CTNNA2: variants seen among roughly 807,000 people sequenced by gnomAD.
The protein encoded by CTNNA2 is catenin alpha 2, also known as catenin alpha-2.
Under a neutral mutation model 101.0 loss-of-function variants are expected in CTNNA2, and 42 were observed. The ratio of observed to expected loss-of-function variants is 0.42; its 90% CI spans 0.32 to 0.54. CTNNA2 has a LOEUF of 0.54. Ranked by LOEUF, CTNNA2 falls within the 20% of genes least tolerant of loss-of-function variation. CTNNA2 has a pLI of 0.14. For synonymous variants in CTNNA2, 450 were observed against 456.4 expected (o/e 0.99, Z 0.18); for missense variants, 871 against 1,223.1 (o/e 0.71, Z 4.29).
At chr2:79,965,294 A>G (rs920482090) in intron 7 of CTNNA2, among the ~76,000 whole-genome samples, 13 of 152,206 alleles carry the variant, frequency 8.5e-5, no homozygotes, top group African/African-American at 3.1e-4. Context: ...ATGCTAAGCT[A>G]CAAAATTTTA....
At chr2:80,329,158 T>G (rs1671090419) in intron 7 of CTNNA2, among the ~76,000 whole-genome samples, 1 of 152,240 alleles carries the variant, frequency 6.6e-6, no homozygotes. Flanking sequence ...GTCCATGTGA[T>G]GTGAAGCAGG....
chr2:79,411,522 G>T (rs1312287946), intron 4 of CTNNA2, among the ~76,000 whole-genome samples: 2 of 152,040 alleles, frequency 1.3e-5, no homozygotes, highest in Non-Finnish European at 2.9e-5. Context: ...ACAAAGGGAA[G>T]CCCATCAGAC....
At chr2:79,784,702 A>T (rs1165170419) in intron 3 of CTNNA2, among the ~76,000 whole-genome samples, 1 of 151,868 alleles carries the variant, frequency 6.6e-6, no homozygotes, top group Non-Finnish European at 1.5e-5. Flanking sequence ...TGTACTCAGA[A>T]TTTATATGTA....
chr2:79,465,888 C>T (rs189159339), intron 4 of CTNNA2, among the ~76,000 whole-genome samples: 19 of 152,216 alleles, frequency 1.2e-4, no homozygotes, highest in Non-Finnish European at 2.4e-4. Flanking sequence ...TGGGCTGAGA[C>T]GATGGGGGTT....
intron 16 of CTNNA2, among the ~76,000 whole-genome samples, chr2:80,604,542 C>T (rs1382588506): frequency 2.6e-5 from 4 of 151,954 alleles, no homozygotes; most frequent in African/African-American, 9.7e-5. Context: ...CATTGTTAGG[C>T]TCTTGGTTTA....
intron 1 of CTNNA2, among the ~76,000 whole-genome samples, chr2:79,606,514 C>T (rs1047555764): frequency 8.5e-5 from 13 of 152,068 alleles, no homozygotes; most frequent in African/African-American, 2.2e-4. Context: ...CTGATCCTCC[C>T]GCCTCAGCCT....
chr2:79,738,694 T>G (rs1671074261), intron 2 of CTNNA2, among the ~76,000 whole-genome samples: 1 of 152,192 alleles, frequency 6.6e-6, no homozygotes, highest in Non-Finnish European at 1.5e-5. Flanking sequence ...AGAATGGTAT[T>G]ATAAGATAAA....
At chr2:79,287,933 C>T (rs970276756) in intron 2 of CTNNA2, among the ~76,000 whole-genome samples, 24 of 152,330 alleles carry the variant, frequency 1.6e-4, no homozygotes, top group African/African-American at 3.1e-4. Context: ...GAGCCAGGTG[C>T]GGGATATAAT....
chr2:79,469,856 A>G (rs1670979361), intron 4 of CTNNA2, among the ~76,000 whole-genome samples: 1 of 152,194 alleles, frequency 6.6e-6, no homozygotes, highest in Non-Finnish European at 1.5e-5. Flanking sequence ...CTCTCAATAA[A>G]TTAGCTATTG....
intron 3 of CTNNA2, among the ~76,000 whole-genome samples, chr2:79,759,035 C>T (rs1672593310): frequency 6.6e-6 from 1 of 152,140 alleles, no homozygotes; most frequent in South Asian, 2.1e-4. Flanking sequence ...GTCAACCCAG[C>T]ATTGTGGAGC....
At chr2:80,250,191 G>T (rs142192111) in intron 7 of CTNNA2, among the ~76,000 whole-genome samples, 1,432 of 133,760 alleles carry the variant, frequency 0.011, 24 homozygotes, top group African/African-American at 0.042. Flanking sequence ...GGGAGAGAGA[G>T]AGAGAGAGAG....
At chr2:79,470,859 C>T (rs1248107487) in intron 4 of CTNNA2, among the ~76,000 whole-genome samples, 1 of 152,110 alleles carries the variant, frequency 6.6e-6, no homozygotes, top group African/African-American at 2.4e-5. Flanking sequence ...CTCTAACGTT[C>T]CTGCAAAATC....
intron 6 of CTNNA2, among the ~76,000 whole-genome samples, chr2:79,882,363 G>A (rs1026417174): frequency 2.0e-5 from 3 of 152,190 alleles, no homozygotes; most frequent in African/African-American, 7.2e-5. Flanking sequence ...CCCCCTAGGG[G>A]CTCAGGCCCA....
At chr2:80,057,239 T>C (rs540760453) in intron 7 of CTNNA2, among the ~76,000 whole-genome samples, 1 of 150,542 alleles carries the variant, frequency 6.6e-6, no homozygotes, top group Admixed American at 6.6e-5. Flanking sequence ...GACCTCCCCC[T>C]GCCATACCCA....
In CTNNA2 at chr2:80,395,275, C is replaced by T. The variant is rs552670299; in HGVS notation, c.1137+1984C>T. On this transcript the variant is annotated intron_variant, in intron 8 of 18. Coordinates refer to ENST00000402739, the MANE Select transcript of CTNNA2 (RefSeq NM_001282597.3). ...CCATGTATGTTATTTCTTTCCTTACCTTTCTCCAAAATATAGAGGAATAAG... is the reference window on the plus strand; with the variant it reads ...CCATGTATGTTATTTCTTTCCTTACTTTTCTCCAAAATATAGAGGAATAAG... 1.1e-3 allele frequency among the ~76,000 whole-genome samples: 169 copies of T among 152,208 alleles called. 2 individuals carry two copies. Among genetic ancestry groups the T allele is most frequent in the African/African-American group, 3.5e-3 (144 of 41,514 alleles).
intron 2 of CTNNA2, among the ~76,000 whole-genome samples, chr2:79,309,871 C>A (rs28607023): frequency 1.3e-5 from 2 of 152,086 alleles, no homozygotes; most frequent in African/African-American, 4.8e-5. Flanking sequence ...TACATTTCTC[C>A]TTTGCTTCAG....
At chr2:79,610,715 G>C (rs1375073841) in intron 1 of CTNNA2, among the ~76,000 whole-genome samples, 2 of 152,136 alleles carry the variant, frequency 1.3e-5, no homozygotes, top group Non-Finnish European at 2.9e-5. Flanking sequence ...GGATGGGATG[G>C]AGAGAGGAGG....
chr2:80,377,795 A>G lies in CTNNA2; in HGVS notation c.1057-15416A>G, dbSNP rs557469003. Among the ~76,000 whole-genome samples the G allele has an allele frequency of 5.3e-5, 8 of 152,294 alleles. 1 individual carries two copies. The South Asian group carries it at 1.7e-3, about 32-fold the overall frequency. ...CACATGGCCGGATAGGTAGCTCTGG[A>G]TGCAAATAAGCAGGTTGGTATGAGA... On this transcript the variant is annotated intron_variant, in intron 7 of 18. Coordinates refer to ENST00000402739, the MANE Select transcript of CTNNA2 (RefSeq NM_001282597.3).
chr2:79,383,954 G>A (rs1339059268), intron 4 of CTNNA2, among the ~76,000 whole-genome samples: 1 of 152,130 alleles, frequency 6.6e-6, no homozygotes, highest in South Asian at 2.1e-4. Context: ...AGAGGGAAAG[G>A]AGAGTAGGAG....
Sources: gnomAD v4.1 joint callset for allele counts (sites outside exome capture counted in the v4.1 genomes callset) on GRCh38, gnomAD v4.1.1 for gene constraint, MANE v1.5 for transcripts, NCBI Gene and HGNC (gene_info 2026-07-23, HGNC 2026-07-21) for gene names.